Variants in TLK2 observed in about 807,000 individuals in gnomAD.
TLK2 encodes serine/threonine-protein kinase tousled-like 2.
Under a neutral mutation model 117.3 loss-of-function variants are expected in TLK2, and 6 were observed. That is an observed-to-expected ratio of 0.05 (90% CI 0.03 to 0.10). The LOEUF (loss-of-function observed/expected upper bound fraction) is 0.10, where lower values mean the gene tolerates loss of function less well. TLK2 is among the 10% of genes least tolerant of loss of function. TLK2 has a pLI of 1.00. For synonymous variants in TLK2, 257 were observed against 316.7 expected, an observed-to-expected ratio of 0.81 and a Z score of 2.00; for missense variants, 299 against 901.2, an observed-to-expected ratio of 0.33 and a Z score of 8.56.
intron 11 of TLK2, among the ~76,000 whole-genome samples, chr17:62,570,280 AAT>A (rs1404232992): frequency 6.6e-6 from 1 of 152,186 alleles, no homozygotes; most frequent in East Asian, 1.9e-4. Context: ...TGGCTTGGTA[AAT>A]AGAGTTATTT....
intron 2 of TLK2, 36 bp downstream of exon 2, chr17:62,481,242 T>G (rs2144336755): frequency 6.2e-7 from 1 of 1,608,760 alleles, no homozygotes; most frequent in East Asian, 2.2e-5. Flanking sequence ...CTATTCATAT[T>G]CTAATTTAAA....
intron 11 of TLK2, among the ~76,000 whole-genome samples, chr17:62,571,637 A>G (rs1337873883): frequency 1.3e-5 from 2 of 152,236 alleles, no homozygotes; most frequent in Non-Finnish European, 2.9e-5. Flanking sequence ...CCAAGGGCAT[A>G]GTATTATCAA....
intron 11 of TLK2, among the ~76,000 whole-genome samples, chr17:62,572,199 T>A (rs2080361214): frequency 1.3e-5 from 2 of 151,694 alleles, no homozygotes; most frequent in African/African-American, 4.8e-5. Flanking sequence ...AAAAAAGATT[T>A]ATTATTCCAC....
intron 16 of TLK2, among the ~76,000 whole-genome samples, chr17:62,588,914 G>T (rs1218512062): frequency 6.6e-6 from 1 of 152,188 alleles, no homozygotes; most frequent in East Asian, 1.9e-4. Flanking sequence ...ACACTTCAGT[G>T]TTGTGACATT....
intron 4 of TLK2, 142 bp downstream of exon 4, chr17:62,522,415 T>TA (rs1240825734): frequency 1.1e-6 from 1 of 937,410 alleles, no homozygotes; most frequent in African/African-American, 1.7e-5. Flanking sequence ...ATCAGACTGT[T>TA]TATTACAGAC....
Position 62,538,156 on chromosome 17 carries a change from C to T in TLK2, c.531+1819C>T, listed in dbSNP as rs530026934. Among the ~76,000 whole-genome samples, 3 of 151,368 alleles carry T rather than the reference C, an allele frequency of 2.0e-5. No homozygotes were observed. The East Asian group carries it at 5.9e-4, about 30-fold the overall frequency. ...GTTCACGCCATTCTCCTGCCTCAGC[C>T]TCCCGAGTAGCTGGGACTACAGGCA... On this transcript the variant is annotated intron_variant, in intron 7 of 21. Coordinates refer to ENST00000346027, the MANE Select transcript of TLK2 (RefSeq NM_006852.6).
chr17:62,529,477 G>T (rs939916997), intron 6 of TLK2, among the ~76,000 whole-genome samples: 6 of 152,122 alleles, frequency 3.9e-5, no homozygotes, highest in African/African-American at 1.4e-4. Context: ...CAAGTGATCT[G>T]CCTGCCTTGG....
intron 2 of TLK2, among the ~76,000 whole-genome samples, chr17:62,503,052 C>CTT (rs535547546): frequency 0.016 from 1,400 of 87,124 alleles, 3 homozygotes; most frequent in African/African-American, 0.022. Context: ...TTTGGCTTAA[C>CTT]TTTTTTTTTT....
intron 2 of TLK2, among the ~76,000 whole-genome samples, chr17:62,501,233 G>C (rs553891884): frequency 9.2e-5 from 14 of 151,802 alleles, no homozygotes; most frequent in African/African-American, 3.4e-4. Context: ...GCAAGACTCC[G>C]TCTCAAAAGA....
intron 8 of TLK2, among the ~76,000 whole-genome samples, chr17:62,552,644 G>A (rs1350923966): frequency 6.7e-6 from 1 of 149,262 alleles, no homozygotes; most frequent in South Asian, 2.1e-4. Context: ...AAAGCATGGT[G>A]TTAAGGAAAC....
At chr17:62,611,721 G>A (rs2083784498) in intron 21 of TLK2, among the ~76,000 whole-genome samples, 3 of 152,162 alleles carry the variant, frequency 2.0e-5, no homozygotes, top group Admixed American at 2.0e-4. Flanking sequence ...AAAGCAAGCA[G>A]GAAAAGACAG....
At chr17:62,541,739 C>G (rs1327961760) in intron 7 of TLK2, among the ~76,000 whole-genome samples, 2 of 124,996 alleles carry the variant, frequency 1.6e-5, no homozygotes, top group African/African-American at 5.7e-5. Context: ...AATTCTCTTG[C>G]CTCAGTTTCC....
At chr17:62,533,384 G>GTGTGTGTGTGTGTC (rs1555621876) in intron 6 of TLK2, among the ~76,000 whole-genome samples, 1 of 144,304 alleles carries the variant, frequency 6.9e-6, no homozygotes, top group Non-Finnish European at 1.5e-5. Flanking sequence ...GTGTGTGTGT[G>GTGTGTGTGTGTGTC]TGTGTGTCTG....
intron 10 of TLK2, among the ~76,000 whole-genome samples, chr17:62,561,750 C>G (rs1228579293): frequency 1.3e-5 from 2 of 152,108 alleles, no homozygotes; most frequent in African/African-American, 4.8e-5. Flanking sequence ...AAAGAAACCA[C>G]TTTTTAAAAT....
intron 6 of TLK2, among the ~76,000 whole-genome samples, chr17:62,528,300 T>C (rs2076514370): frequency 6.6e-6 from 1 of 152,228 alleles, no homozygotes; most frequent in Non-Finnish European, 1.5e-5. Flanking sequence ...TGTATTTGTG[T>C]TAAATATAAA....
intron 1 of TLK2, among the ~76,000 whole-genome samples, chr17:62,471,530 A>G (rs183346924): frequency 6.6e-6 from 1 of 152,354 alleles, no homozygotes; most frequent in African/African-American, 2.4e-5. Context: ...TGCCAAGGTC[A>G]GAGATCAGTC....
chr17:62,544,105 C>G (rs1425331416), intron 7 of TLK2, among the ~76,000 whole-genome samples: 1 of 152,164 alleles, frequency 6.6e-6, no homozygotes, highest in Non-Finnish European at 1.5e-5. Flanking sequence ...TACCATTGAA[C>G]TGTCGGCACC....
intron 2 of TLK2, among the ~76,000 whole-genome samples, chr17:62,501,054 C>G (rs775030249): frequency 6.6e-6 from 1 of 151,940 alleles, no homozygotes; most frequent in East Asian, 2.0e-4. Flanking sequence ...CTGGCTAACG[C>G]GGTGAAACCC....
At position 62,512,522 on chromosome 17, in the gene TLK2, T is replaced by C. The variant is rs1158387460; in HGVS notation, c.82-8251T>C. ...CCACCGCCCCCGGCCTACATCCTCT[T>C]TAGTAAAATGTCTATTCATATTTTT... On this transcript the variant is annotated intron_variant, in intron 2 of 21. Transcript: ENST00000346027. Among the ~76,000 whole-genome samples the C allele has an allele frequency of 5.3e-5, 8 of 152,262 alleles. No homozygotes were observed. In the South Asian group the frequency reaches 1.5e-3, roughly 28 times the overall value.
Sources: gnomAD v4.1 joint callset for allele counts (sites outside exome capture counted in the v4.1 genomes callset) on GRCh38, gnomAD v4.1.1 for gene constraint, MANE v1.5 for transcripts, NCBI Gene and HGNC (gene_info 2026-07-23, HGNC 2026-07-21) for gene names.